ULK4: variants seen among roughly 807,000 people sequenced by gnomAD.
ULK4 encodes unc-51 like kinase 4.
ULK4 carries 133 observed loss-of-function variants against 160.6 expected under a neutral mutation model. That is an observed-to-expected ratio of 0.83 (90% confidence interval 0.72 to 0.96). The LOEUF (loss-of-function observed/expected upper bound fraction) is 0.96. ULK4 is among the 40% of genes least tolerant of loss of function. The pLI is 0.00. For missense variants in ULK4, 1,580 were observed against 1,499.5 expected, an observed-to-expected ratio of 1.05 and a Z score of -0.89; for synonymous variants, 534 against 539.8, an observed-to-expected ratio of 0.99 and a Z score of 0.15.
At chr3:41,542,919 G>C (rs2086743426) in intron 32 of ULK4, among the ~76,000 whole-genome samples, 1 of 152,060 alleles carries the variant, frequency 6.6e-6, no homozygotes, top group Admixed American at 6.6e-5. Flanking sequence ...ATGCAAAGAG[G>C]TCTCAAGGTT....
intron 35 of ULK4, among the ~76,000 whole-genome samples, chr3:41,375,099 G>A (rs1049971104): frequency 1.3e-5 from 2 of 152,078 alleles, no homozygotes; most frequent in Non-Finnish European, 2.9e-5. Context: ...CCTCTTCAAG[G>A]AGAACTACAA....
In ULK4 at chr3:41,931,840, A is replaced by T; in HGVS notation, c.541+4T>A. On this transcript the variant is annotated splice_donor_region_variant and intron_variant, in intron 5 of 36. Coordinates refer to ENST00000301831, the MANE Select transcript of ULK4 (RefSeq NM_017886.4). ...TGATCTTTAAGCTTTCCAGGTCCAC[A>T]TACCTTTGACTCTACTTTTCATGCT... The T allele has an allele frequency of 6.2e-7, 1 of 1,613,820 alleles. No homozygotes were observed. The highest frequency in any genetic ancestry group is 8.5e-7 in the Non-Finnish European group (1 of 1,179,864).
At chr3:41,638,124 C>T (rs556376238) in intron 30 of ULK4, among the ~76,000 whole-genome samples, 5 of 151,940 alleles carry the variant, frequency 3.3e-5, no homozygotes, top group African/African-American at 4.8e-5. Flanking sequence ...CAGTGGTGTA[C>T]GAAAGTACAT....
rs879045895 is a variant in ULK4, at chr3:41,903,360, G to A, written c.1183-2531C>T. 8.5e-5 allele frequency among the ~76,000 whole-genome samples: 13 copies of A among 152,214 alleles called. No homozygotes were observed. In the East Asian group the frequency reaches 9.7e-4, roughly 11 times the overall value. On this transcript the variant is annotated intron_variant, in intron 12 of 36. Coordinates refer to ENST00000301831, the MANE Select transcript of ULK4 (RefSeq NM_017886.4). The stretch of plus-strand genomic sequence containing the variant: ...AGCACTTTGGGAGGTCCAGGTGGGC[G>A]GATCACCTGTGGCCAGGAATTCGAG...
rs997598668 is a variant in ULK4 at position 41,907,945 on chromosome 3, A to C, written c.1086-4T>G. 1.3e-6 allele frequency: 2 copies of C among 1,591,846 alleles called. No homozygotes were observed. Among genetic ancestry groups the C allele is most frequent in the African/African-American group, 2.7e-5 (2 of 73,844 alleles). ...AGTTCTGGGAGTAGGACGAGAACTG[A>C]AAAATACAAACCAGTTAACATTATT... On this transcript the variant is annotated splice_region_variant and splice_polypyrimidine_tract_variant and intron_variant, in intron 11 of 36. Transcript: ENST00000301831.
intron 2 of ULK4, among the ~76,000 whole-genome samples, chr3:41,945,908 A>G (rs1700098934): frequency 6.6e-6 from 1 of 152,156 alleles, no homozygotes; most frequent in African/African-American, 2.4e-5. Context: ...CCATGACCAA[A>G]AACGATCATC....
chr3:41,690,595 T>C (rs1247340761), intron 27 of ULK4, among the ~76,000 whole-genome samples: 1 of 151,766 alleles, frequency 6.6e-6, no homozygotes, highest in Admixed American at 6.6e-5. Context: ...CCTCTTTTCT[T>C]AGCTCTCCCA....
chr3:41,576,373 T>A (rs985255800), intron 31 of ULK4, among the ~76,000 whole-genome samples: 7 of 152,194 alleles, frequency 4.6e-5, no homozygotes, highest in African/African-American at 1.7e-4. Flanking sequence ...TATTGGTTAA[T>A]CCCATCCCTC....
chr3:41,502,398 T>G (rs1408186904), intron 32 of ULK4, among the ~76,000 whole-genome samples: 1 of 152,250 alleles, frequency 6.6e-6, no homozygotes, highest in Admixed American at 6.5e-5. Flanking sequence ...GGCAGTTTCT[T>G]GTAAAGTTTA....
At chr3:41,875,965 CAA>C (rs1221477204) in intron 17 of ULK4, among the ~76,000 whole-genome samples, 11 of 68,728 alleles carry the variant, frequency 1.6e-4, no homozygotes, top group Middle Eastern at 0.01. Flanking sequence ...ATGTTCTTAC[CAA>C]AAAAAAAAAA....
chr3:41,320,507 C>A (rs2080226168), intron 35 of ULK4, among the ~76,000 whole-genome samples: 1 of 152,190 alleles, frequency 6.6e-6, no homozygotes, highest in Non-Finnish European at 1.5e-5. Flanking sequence ...ACTTGCCCGG[C>A]CCCAGAACCT....
chr3:41,516,765 T>C (rs1192887637), intron 32 of ULK4, among the ~76,000 whole-genome samples: 1 of 152,176 alleles, frequency 6.6e-6, no homozygotes, highest in Non-Finnish European at 1.5e-5. Context: ...AGACCTACTA[T>C]TTGATAGCAC....
chr3:41,914,432 G>C (rs1161881974), intron 8 of ULK4, among the ~76,000 whole-genome samples: 1 of 152,316 alleles, frequency 6.6e-6, no homozygotes, highest in Admixed American at 6.5e-5. Context: ...CTGTAGATGA[G>C]AGTGGGAGGG....
chr3:41,440,422 T>G (rs1248610314), intron 34 of ULK4, among the ~76,000 whole-genome samples: 4 of 152,162 alleles, frequency 2.6e-5, no homozygotes, highest in Middle Eastern at 3.2e-3. Flanking sequence ...AACAATGAAA[T>G]AGTTTTCCTT....
At chr3:41,852,734 G>A (rs987593976) in intron 17 of ULK4, among the ~76,000 whole-genome samples, 6 of 152,100 alleles carry the variant, frequency 3.9e-5, no homozygotes, top group South Asian at 2.1e-4. Flanking sequence ...TAAACTCTTG[G>A]TGACCTCGAA....
chr3:41,475,150 T>C (rs937888458), intron 32 of ULK4, among the ~76,000 whole-genome samples: 1 of 152,218 alleles, frequency 6.6e-6, no homozygotes, highest in Non-Finnish European at 1.5e-5. Flanking sequence ...AATGGAATTT[T>C]ATTCAGCCTT....
chr3:41,355,653 A>T (rs1237634400), intron 35 of ULK4, among the ~76,000 whole-genome samples: 1 of 152,238 alleles, frequency 6.6e-6, no homozygotes, highest in Non-Finnish European at 1.5e-5. Flanking sequence ...GCATCACAGG[A>T]TCTAATCATC....
intron 19 of ULK4, among the ~76,000 whole-genome samples, chr3:41,814,054 C>T (rs1315530910): frequency 6.6e-6 from 1 of 152,154 alleles, no homozygotes; most frequent in Admixed American, 6.6e-5. Context: ...GCAGCACACA[C>T]AATGTAGCAT....
intron 1 of ULK4, among the ~76,000 whole-genome samples, chr3:41,959,529 AT>A (rs1427155864): frequency 1.3e-5 from 2 of 149,408 alleles, no homozygotes; most frequent in East Asian, 1.9e-4. Context: ...ATCAAAAAAA[AT>A]AATAATAATT....
Sources: gnomAD v4.1 joint callset for allele counts (sites outside exome capture counted in the v4.1 genomes callset) on GRCh38, gnomAD v4.1.1 for gene constraint, MANE v1.5 for transcripts, NCBI Gene and HGNC (gene_info 2026-07-23, HGNC 2026-07-21) for gene names.